The following ACBD6 variants were observed in gnomAD, a reference collection of about 807,000 sequenced individuals.
The protein encoded by ACBD6 is acyl-CoA binding domain containing 6.
ACBD6 carries 28 observed loss-of-function variants against 37.2 expected under a neutral mutation model. The observed-to-expected ratio is 0.75, with a 90% CI of 0.56 to 1.03. The LOEUF is 1.03. Ranked by LOEUF, ACBD6 falls within the 50% of genes least tolerant of loss-of-function variation. The pLI, the probability that ACBD6 is intolerant of heterozygous loss-of-function variation, is 0.00. For synonymous variants in ACBD6, 113 were observed against 126.8 expected, an observed-to-expected ratio of 0.89 and a Z score of 0.73; for missense variants, 340 against 337.4, an observed-to-expected ratio of 1.01 and a Z score of -0.06.
intron 4 of ACBD6, among the ~76,000 whole-genome samples, chr1:180,414,574 A>G (rs1200385112): frequency 2.0e-5 from 3 of 152,242 alleles, no homozygotes; most frequent in Non-Finnish European, 4.4e-5. Flanking sequence ...GGCACTGGAC[A>G]AGAATTTGTT....
intron 5 of ACBD6, among the ~76,000 whole-genome samples, chr1:180,399,064 A>C (rs1333365161): frequency 6.6e-6 from 1 of 152,216 alleles, no homozygotes; most frequent in Non-Finnish European, 1.5e-5. Flanking sequence ...TCTTCCCTAC[A>C]AATTGTCTTC....
intron 7 of ACBD6, among the ~76,000 whole-genome samples, chr1:180,314,095 AC>A (rs1650696208): frequency 6.6e-6 from 1 of 152,190 alleles, no homozygotes; most frequent in Non-Finnish European, 1.5e-5. Flanking sequence ...CATGATTTTA[AC>A]ATCTTTCTTG....
In ACBD6 at chr1:180,496,865, C is replaced by CA. The variant is rs1280181656; in HGVS notation, c.223-1341dup. 7.5e-3 allele frequency among the ~76,000 whole-genome samples: 1,098 copies of CA among 147,294 alleles called. 8 individuals are homozygous for CA. The highest frequency in any genetic ancestry group is 0.025 in the African/African-American group (1,004 of 40,208). On this transcript the variant is annotated intron_variant, in intron 1 of 7. Transcript: ENST00000367595. ...TTCACATATTTTATCTCAAATGGGCCAAAAAAAAAATCCTGCTAGGTATGC... is the reference window on the plus strand; with the variant it reads ...TTCACATATTTTATCTCAAATGGGCCAAAAAAAAAAATCCTGCTAGGTATGC...
Position 180,280,152 on chromosome 1 carries a change from G to C in ACBD6, c.*174+1154C>G, listed in dbSNP as rs200972694. ...TTCTATCATTGCAGATGGCTCTACT[G>C]GACGGTGCTCATAGAGTCTTGTTAG... On this transcript the variant is annotated intron_variant, in intron 9 of 13. Transcript: ENST00000642319. Among the ~76,000 whole-genome samples, 8 of 152,286 alleles carry C rather than the reference G, an allele frequency of 5.3e-5. No homozygotes were observed. The East Asian group carries it at 1.5e-3, about 29-fold the overall frequency.
At chr1:180,283,687 A>G (rs1387215092), downstream of ACBD6, among the ~76,000 whole-genome samples, 1 of 152,232 alleles carries the variant, frequency 6.6e-6, no homozygotes, top group African/African-American at 2.4e-5. Flanking sequence ...AATTGTGCTA[A>G]GAAAAAGTGA....
At chr1:180,389,246 G>T (rs1394720186) in intron 6 of ACBD6, among the ~76,000 whole-genome samples, 1 of 152,298 alleles carries the variant, frequency 6.6e-6, no homozygotes, top group East Asian at 1.9e-4. Flanking sequence ...GTGAGAACAT[G>T]CGGAGTTTGG....
intron 3 of ACBD6, among the ~76,000 whole-genome samples, chr1:180,491,002 C>G (rs933454613): frequency 6.8e-6 from 1 of 147,032 alleles, no homozygotes. Context: ...TCAATGACTT[C>G]TAAAAGGCAG....
intron 7 of ACBD6, among the ~76,000 whole-genome samples, chr1:180,291,807 T>C (rs554339397): frequency 3.1e-4 from 47 of 152,332 alleles, no homozygotes; most frequent in Non-Finnish European, 6.3e-4. Context: ...TTTATCATTA[T>C]TCCTCTTACA....
At chr1:180,351,690 G>A (rs923431825) in intron 6 of ACBD6, among the ~76,000 whole-genome samples, 1 of 151,804 alleles carries the variant, frequency 6.6e-6, no homozygotes, top group Admixed American at 6.6e-5. Flanking sequence ...CTAGGATTTG[G>A]GGAAAGTGGA....
At chr1:180,312,681 T>C (rs972424049) in intron 7 of ACBD6, among the ~76,000 whole-genome samples, 3 of 152,216 alleles carry the variant, frequency 2.0e-5, no homozygotes, top group African/African-American at 7.2e-5. Flanking sequence ...CTCTGGGTTT[T>C]TGATGAGTAA....
chr1:180,328,895 T>C (rs2149299162), intron 6 of ACBD6, among the ~76,000 whole-genome samples: 1 of 152,262 alleles, frequency 6.6e-6, no homozygotes, highest in African/African-American at 2.4e-5. Context: ...GGTATTTTCC[T>C]TTCTTTCTAG....
intron 3 of ACBD6, among the ~76,000 whole-genome samples, chr1:180,473,460 A>C (rs1054020593): frequency 5.4e-4 from 66 of 122,228 alleles, no homozygotes; most frequent in Non-Finnish European, 7.9e-4. Context: ...AAAAAAAAAA[A>C]AAAAACTTTT....
At chr1:180,438,581 TTTC>T (rs1412526793) in intron 3 of ACBD6, among the ~76,000 whole-genome samples, 2 of 152,194 alleles carry the variant, frequency 1.3e-5, no homozygotes, top group African/African-American at 4.8e-5. Flanking sequence ...ATAGTTCTTT[TTTC>T]TTTTTTATTT....
rs577645300 is a variant in ACBD6 at position 180,328,292 on chromosome 1, T to TAC, written c.664-13572_664-13571dup. ...CTGTACAGGTGTGTGTATATATATG[T>TAC]ACACACACACACACACATACATACA... On this transcript the variant is annotated intron_variant, in intron 6 of 7. Transcript: ENST00000367595. Among the ~76,000 whole-genome samples the TAC allele has an allele frequency of 6.5e-3, 984 of 150,442 alleles. 7 individuals carry two copies. Among genetic ancestry groups the TAC allele is most frequent in the African/African-American group, 0.021 (849 of 41,138 alleles).
intron 5 of ACBD6, 50 bp from the exon 6 acceptor site, chr1:180,397,655 G>T: frequency 7.1e-7 from 1 of 1,400,646 alleles, no homozygotes; most frequent in African/African-American, 1.4e-5. Context: ...GTGGAGCCAT[G>T]TAAAAGATAT....
At chr1:180,408,305 T>G (rs1647711479) in intron 5 of ACBD6, among the ~76,000 whole-genome samples, 2 of 152,302 alleles carry the variant, frequency 1.3e-5, no homozygotes, top group South Asian at 4.1e-4. Flanking sequence ...TTAAAAGTTG[T>G]GATATCATAT....
rs544100100 is a variant in ACBD6, at chr1:180,409,357, A to T, written c.573+4009T>A. 7.9e-5 allele frequency among the ~76,000 whole-genome samples: 12 copies of T among 152,332 alleles called. No homozygotes were observed. In the South Asian group the frequency reaches 2.1e-3, roughly 26 times the overall value. ...GGAAGCAATCATGCCAAATTTATTT[A>T]AAAAAGAAAGCTATACAGGCATACC... On this transcript the variant is annotated intron_variant, in intron 5 of 7. Coordinates refer to ENST00000367595, the MANE Select transcript of ACBD6 (RefSeq NM_032360.4).
At chr1:180,394,677 T>C (rs1654197682) in intron 6 of ACBD6, among the ~76,000 whole-genome samples, 1 of 152,098 alleles carries the variant, frequency 6.6e-6, no homozygotes, top group Non-Finnish European at 1.5e-5. Flanking sequence ...GAATTGAGAC[T>C]ATGGTAAGAC....
At chr1:180,338,390 T>A (rs1651831905) in intron 6 of ACBD6, among the ~76,000 whole-genome samples, 2 of 152,162 alleles carry the variant, frequency 1.3e-5, no homozygotes, top group Admixed American at 1.3e-4. Flanking sequence ...TACAACTATC[T>A]GATCTTTGAC....
Sources: gnomAD v4.1 joint callset for allele counts (sites outside exome capture counted in the v4.1 genomes callset) on GRCh38, gnomAD v4.1.1 for gene constraint, MANE v1.5 for transcripts, NCBI Gene and HGNC (gene_info 2026-07-23, HGNC 2026-07-21) for gene names.